Variants in TENM3 observed in about 807,000 individuals in gnomAD.
TENM3 encodes the protein teneurin-3.
TENM3 carries 63 observed loss-of-function variants against 255.1 expected under a neutral mutation model. The observed-to-expected ratio is 0.25, with a 90% CI of 0.20 to 0.30. The LOEUF is 0.30. TENM3 is among the 10% of genes least tolerant of loss of function. TENM3 has a pLI of 1.00. For missense variants in TENM3, 2,929 were observed against 3,461.1 expected, an observed-to-expected ratio of 0.85 and a Z score of 3.86; for synonymous variants, 1,306 against 1,322.3, an observed-to-expected ratio of 0.99 and a Z score of 0.27.
intron 3 of TENM3, among the ~76,000 whole-genome samples, chr4:182,393,666 C>T (rs2150992398): frequency 6.6e-6 from 1 of 152,186 alleles, no homozygotes; most frequent in African/African-American, 2.4e-5. Flanking sequence ...TTATGTGATC[C>T]TTTGCATTGA....
chr4:181,594,992 T>A, the TENM3 span, among the ~76,000 whole-genome samples: 1 of 152,084 alleles, frequency 6.6e-6, no homozygotes, highest in South Asian at 2.1e-4. Flanking sequence ...GTGTTCAAAA[T>A]ATATATATAG....
chr4:182,079,929 A>G, the TENM3 span: 1 of 152,360 alleles, frequency 6.6e-6, no homozygotes, highest in African/African-American at 2.4e-5. Context: ...TCTCGACTAC[A>G]TGTCAAGAAT....
At chr4:181,964,054 C>G in the TENM3 span, among the ~76,000 whole-genome samples, 1 of 149,080 alleles carries the variant, frequency 6.7e-6, no homozygotes, top group African/African-American at 2.5e-5. Flanking sequence ...CAGACTAAAG[C>G]AATGACCTTC....
At chr4:182,774,382 T>C (rs2152799225) in intron 23 of TENM3, among the ~76,000 whole-genome samples, 1 of 152,358 alleles carries the variant, frequency 6.6e-6, no homozygotes, top group South Asian at 2.1e-4. Flanking sequence ...GAGGCAGTAG[T>C]CTACAATATG....
At chr4:182,262,883 GT>G (rs1561257118) in intron 1 of TENM3, among the ~76,000 whole-genome samples, 1 of 151,784 alleles carries the variant, frequency 6.6e-6, no homozygotes, top group African/African-American at 2.4e-5. Context: ...CCGGCTAATT[GT>G]TTGTATTTTT....
chr4:181,649,957 AG>A, the TENM3 span, among the ~76,000 whole-genome samples: 2 of 152,176 alleles, frequency 1.3e-5, no homozygotes, highest in Non-Finnish European at 2.9e-5. Context: ...GAGTTCTGGT[AG>A]GAGTGATTAT....
intron 3 of TENM3, among the ~76,000 whole-genome samples, chr4:182,414,020 A>G (rs1561421746): frequency 6.6e-6 from 1 of 152,250 alleles, no homozygotes; most frequent in Non-Finnish European, 1.5e-5. Flanking sequence ...TAGTGAGACA[A>G]TCATAGTAGT....
chr4:182,046,047 G>T, the TENM3 span, among the ~76,000 whole-genome samples: 1 of 152,126 alleles, frequency 6.6e-6, no homozygotes, highest in African/African-American at 2.4e-5. Flanking sequence ...CCAGAGGCAA[G>T]GGGACAAAAG....
At chr4:181,451,929 G>C in the TENM3 span, among the ~76,000 whole-genome samples, 4,180 of 152,130 alleles carry the variant, frequency 0.027, 325 homozygotes, top group East Asian at 0.23. Context: ...TTAAGATCTT[G>C]AACAGAAAGC....
chr4:181,514,407 A>G, the TENM3 span, among the ~76,000 whole-genome samples: 1 of 152,174 alleles, frequency 6.6e-6, no homozygotes, highest in African/African-American at 2.4e-5. Flanking sequence ...CTTTTCTTCA[A>G]CTCAGTCTAA....
chr4:182,529,878 A>C (rs1739599515), intron 3 of TENM3, among the ~76,000 whole-genome samples: 1 of 152,194 alleles, frequency 6.6e-6, no homozygotes, highest in Admixed American at 6.5e-5. Flanking sequence ...ACACGTGCCA[A>C]ATGATTTAAA....
At chr4:182,065,701 C>T in the TENM3 span, among the ~76,000 whole-genome samples, 1 of 152,334 alleles carries the variant, frequency 6.6e-6, no homozygotes. Flanking sequence ...CGGGAACTTC[C>T]CTCCAGTTTC....
intron 3 of TENM3, among the ~76,000 whole-genome samples, chr4:182,509,122 A>T (rs368157579): frequency 2.6e-5 from 4 of 152,292 alleles, no homozygotes; most frequent in South Asian, 4.1e-4. Flanking sequence ...TCTAGCAGGG[A>T]TCCTTTGTGT....
chr4:181,519,099 G>A, the TENM3 span, among the ~76,000 whole-genome samples: 3 of 152,216 alleles, frequency 2.0e-5, no homozygotes, highest in Non-Finnish European at 4.4e-5. Flanking sequence ...AAAGGAGATT[G>A]TGGCAGCTAT....
At chr4:182,441,616 G>C (rs1450109489) in intron 3 of TENM3, among the ~76,000 whole-genome samples, 1 of 152,220 alleles carries the variant, frequency 6.6e-6, no homozygotes, top group Non-Finnish European at 1.5e-5. Flanking sequence ...TCCTGCCTCA[G>C]CCTCCCTAGT....
At chr4:182,225,216 A>T (rs1324969745) in intron 1 of TENM3, among the ~76,000 whole-genome samples, 1 of 152,182 alleles carries the variant, frequency 6.6e-6, no homozygotes, top group African/African-American at 2.4e-5. Context: ...AGTACTCAAT[A>T]TACGGCAGCA....
intron 12 of TENM3, among the ~76,000 whole-genome samples, chr4:182,694,670 G>T (rs1304798639): frequency 6.6e-6 from 1 of 152,128 alleles, no homozygotes; most frequent in Non-Finnish European, 1.5e-5. Flanking sequence ...GACATGCTTT[G>T]TTTGCTCAGA....
chr4:182,052,329 G>T, the TENM3 span, among the ~76,000 whole-genome samples: 1 of 152,082 alleles, frequency 6.6e-6, no homozygotes, highest in Non-Finnish European at 1.5e-5. Flanking sequence ...TAGTGTCAAT[G>T]AGATGGGGGA....
intron 12 of TENM3, among the ~76,000 whole-genome samples, chr4:182,708,235 CT>C (rs1310288802): frequency 6.6e-6 from 1 of 151,996 alleles, no homozygotes; most frequent in African/African-American, 2.4e-5. Context: ...CAAAGGAAGC[CT>C]TTATTATTAC....
Sources: allele counts gnomAD v4.1 joint callset (sites outside exome capture counted in the v4.1 genomes callset), GRCh38; gene constraint gnomAD v4.1.1; transcripts MANE v1.5; gene names NCBI Gene and HGNC (gene_info 2026-07-23, HGNC 2026-07-21).